The following VAPB variants were observed in gnomAD, a reference collection of about 807,000 sequenced individuals.
The protein encoded by VAPB is vesicle-associated membrane protein-associated protein B/C.
A neutral mutation model predicts 25.6 loss-of-function variants in VAPB; 7 were observed. The observed-to-expected ratio is 0.27, with a 90% CI of 0.16 to 0.51. The LOEUF is 0.51. Among genes scored for constraint, VAPB ranks in the 20% least tolerant of loss-of-function variants. The pLI, the probability that VAPB is intolerant of heterozygous loss-of-function variation, is 0.97. For synonymous variants in VAPB, 112 were observed against 109.2 expected (o/e 1.03, Z -0.16); for missense variants, 266 against 301.3 (o/e 0.88, Z 0.87).
intron 2 of VAPB, among the ~76,000 whole-genome samples, chr20:58,434,176 A>G (rs929906029): frequency 2.4e-4 from 37 of 152,268 alleles, no homozygotes; most frequent in African/African-American, 8.4e-4. Context: ...GAGAGAAGCT[A>G]CAACAGTTCC....
chr20:58,411,375 G>A (rs988595700), intron 1 of VAPB, among the ~76,000 whole-genome samples: 2 of 152,092 alleles, frequency 1.3e-5, no homozygotes, highest in South Asian at 2.1e-4. Context: ...TCTGCCTCCC[G>A]GGTTCAAGTG....
rs1301232754 is a variant in VAPB, at chr20:58,448,174, G to T, written c.*3939G>T. 1 of 453,808 alleles carries T rather than the reference G, an allele frequency of 2.2e-6. No homozygotes were observed. The highest frequency in any genetic ancestry group is 4.4e-6 in the Non-Finnish European group (1 of 226,754). The allele number at this position is 453,808 out of a possible 1,614,324, so 28.1% of individuals were successfully genotyped here. A position where few individuals can be genotyped will look rare whatever the true frequency, so the allele number is the denominator to read the frequency against. On this transcript the variant is annotated 3_prime_UTR_variant, in exon 6 of 6. Transcript: ENST00000475243. ...CTGGAATGGAATTGTATTTAGAAAG[G>T]CCCCTGCAAAGTATATAGATGGATG...
chr20:58,407,952 T>A (rs1226726397), intron 1 of VAPB, among the ~76,000 whole-genome samples: 2 of 152,228 alleles, frequency 1.3e-5, no homozygotes, highest in African/African-American at 4.8e-5. Flanking sequence ...CTTACTAACT[T>A]TGTATTTTTT....
chr20:58,398,970 C>T lies in VAPB; in HGVS notation c.58+9453C>T, dbSNP rs1301099212. ...TAGGAAGATGAGAGGAGGAGTGAGA[C>T]TAGAGAAAGAGGCTTGAAAGAGAAA... On this transcript the variant is annotated intron_variant, in intron 1 of 5. Coordinates refer to ENST00000475243, the MANE Select transcript of VAPB (RefSeq NM_004738.5). Among the ~76,000 whole-genome samples, 5 of 151,396 alleles carry T rather than the reference C, an allele frequency of 3.3e-5. No homozygotes were observed. The East Asian group carries it at 7.8e-4, about 24-fold the overall frequency.
In VAPB at chr20:58,450,737, C is replaced by A. The variant is rs542462722; in HGVS notation, c.*6502C>A. ...TCAATGTATGTTAACATGTTAGGAA[C>A]TGAGTATCTTAAGAGATGTCTTAGA... is the stretch of plus-strand genomic sequence containing the variant. On this transcript the variant is annotated 3_prime_UTR_variant, in exon 6 of 6. Transcript: ENST00000475243. The A allele has an allele frequency of 2.2e-6, 1 of 453,770 alleles. No individual in the cohort carries two copies. The highest frequency in any genetic ancestry group is 6.9e-5 in the East Asian group (1 of 14,398). 28.1% of individuals were successfully genotyped at this position (453,770 alleles called of 1,614,324 possible).
In VAPB at chr20:58,450,844, G is replaced by T. The variant is rs1172052280; in HGVS notation, c.*6609G>T. On this transcript the variant is annotated 3_prime_UTR_variant, in exon 6 of 6. Coordinates refer to ENST00000475243, the MANE Select transcript of VAPB (RefSeq NM_004738.5). ...GACATGGAAGTAATTTAAAAAGTTGGTGCAGGAAAGGACTCTTTACTGTTG... is the reference window on the plus strand; with the variant it reads ...GACATGGAAGTAATTTAAAAAGTTGTTGCAGGAAAGGACTCTTTACTGTTG... The T allele has an allele frequency of 2.2e-6, 1 of 454,060 alleles. No individual in the cohort carries two copies. Among genetic ancestry groups the T allele is most frequent in the East Asian group, 6.9e-5 (1 of 14,400 alleles). The allele number at this position is 454,060 out of a possible 1,614,324, so 28.1% of individuals were successfully genotyped here. A position where few individuals can be genotyped will look rare whatever the true frequency, so the allele number is the denominator to read the frequency against.
At chr20:58,415,912 A>G (rs1384156339) in intron 1 of VAPB, among the ~76,000 whole-genome samples, 1 of 152,216 alleles carries the variant, frequency 6.6e-6, no homozygotes, top group Non-Finnish European at 1.5e-5. Context: ...AATATAATTT[A>G]TTTTCAATAA....
rs34649242 is a variant in VAPB at position 58,409,904 on chromosome 20, T to TACACAC, written c.59-8281_59-8276dup. On this transcript the variant is annotated intron_variant, in intron 1 of 5. Coordinates refer to ENST00000475243, the MANE Select transcript of VAPB (RefSeq NM_004738.5). ...GCACAACAAAGAATCTTTATTCATA[T>TACACAC]ACACACACACACACACACACACACA... is the stretch of plus-strand genomic sequence containing the variant. 3.2e-3 allele frequency among the ~76,000 whole-genome samples: 467 copies of TACACAC among 148,220 alleles called. 1 individual carries two copies. The highest frequency in any genetic ancestry group is 7.8e-3 in the South Asian group (36 of 4,626).
In VAPB at chr20:58,448,299, T is replaced by A. The variant is rs1231653773; in HGVS notation, c.*4064T>A. 1 of 453,622 alleles carries A rather than the reference T, an allele frequency of 2.2e-6. No homozygotes were observed. Among genetic ancestry groups the A allele is most frequent in the Admixed American group, 2.3e-5 (1 of 42,556 alleles). The allele number at this position is 453,622 out of a possible 1,614,324, so 28.1% of individuals were successfully genotyped here. A position where few individuals can be genotyped will look rare whatever the true frequency, so the allele number is the denominator to read the frequency against. On this transcript the variant is annotated 3_prime_UTR_variant, in exon 6 of 6. Transcript: ENST00000475243. ...CATGCTGGCCCTACGCGAATTGAGT[T>A]TCTGTGGCCTAATTGGATTTGGAGA...
chr20:58,389,310 CCAGCGCG>C lies in VAPB; in HGVS notation c.-148_-142del. 5.5e-6 allele frequency: 4 copies of C among 724,412 alleles called. No individual in the cohort carries two copies. The highest frequency in any genetic ancestry group is 1.8e-5 in the African/African-American group (1 of 54,276). 44.9% of individuals were successfully genotyped at this position (724,412 alleles called of 1,614,324 possible). A position where few individuals can be genotyped will look rare whatever the true frequency, so the allele number is the denominator to read the frequency against. ...CTGCACCGCGTAGACCGACCCCCCC[CCAGCGCG>C]CCCACCCGGTAGAGGACCCCCGCCC... On this transcript the variant is annotated 5_prime_UTR_variant, in exon 1 of 6. Transcript: ENST00000475243.
intron 1 of VAPB, among the ~76,000 whole-genome samples, chr20:58,398,543 T>TC (rs1185393638): frequency 6.8e-6 from 1 of 147,750 alleles, no homozygotes; most frequent in East Asian, 1.9e-4. Flanking sequence ...GTTTCCAGCC[T>TC]CTAGGTATTG....
chr20:58,451,068 G>T lies in VAPB; in HGVS notation c.*6833G>T, dbSNP rs868633824. 8.1e-5 allele frequency: 34 copies of T among 419,520 alleles called. 1 individual carries two copies. The highest frequency in any genetic ancestry group is 7.0e-4 in the African/African-American group (34 of 48,278). 26.0% of individuals were successfully genotyped at this position (419,520 alleles called of 1,614,324 possible). ...TTTGTACTAGCTGTCTCCATATTAT[G>T]TTCAATAAATTCTGTGCTCTGAATA... is the stretch of plus-strand genomic sequence containing the variant. On this transcript the variant is annotated 3_prime_UTR_variant, in exon 6 of 6. Coordinates refer to ENST00000475243, the MANE Select transcript of VAPB (RefSeq NM_004738.5).
At chr20:58,437,414 C>T (rs551961588) in intron 3 of VAPB, among the ~76,000 whole-genome samples, 8 of 152,246 alleles carry the variant, frequency 5.3e-5, no homozygotes, top group African/African-American at 1.9e-4. Flanking sequence ...GTATTTCATA[C>T]CAGGTTGTTC....
chr20:58,437,259 C>A (rs1008364320), intron 3 of VAPB, among the ~76,000 whole-genome samples: 1 of 151,804 alleles, frequency 6.6e-6, no homozygotes, highest in South Asian at 2.1e-4. Context: ...AGCCACTGCA[C>A]CCTGCCCAAA....
rs1284311792 is a variant in VAPB at position 58,445,684 on chromosome 20, CT to C, written c.*1450del. On this transcript the variant is annotated 3_prime_UTR_variant, in exon 6 of 6. Transcript: ENST00000475243. ...GAAATACGTGTTTCATGATTTAACT[CT>C]GTGTGTGTGTGTGTGTGTGTGTGTG... is the stretch of plus-strand genomic sequence containing the variant. The C allele has an allele frequency of 2.6e-6, 1 of 390,788 alleles. No homozygotes were observed. Among genetic ancestry groups the C allele is most frequent in the African/African-American group, 2.1e-5 (1 of 47,010 alleles). 24.2% of individuals were successfully genotyped at this position (390,788 alleles called of 1,614,324 possible).
At chr20:58,418,467 A>C (rs1988598552) in intron 2 of VAPB, 104 bp downstream of exon 2, 1 of 1,423,682 alleles carries the variant, frequency 7.0e-7, no homozygotes. Flanking sequence ...AGATGATAGA[A>C]TTCTCTCCAC....
At chr20:58,402,832 C>G (rs1230746197) in intron 1 of VAPB, among the ~76,000 whole-genome samples, 1 of 152,132 alleles carries the variant, frequency 6.6e-6, no homozygotes, top group South Asian at 2.1e-4. Context: ...TGGCGAAACC[C>G]CATCTCTACT....
Position 58,441,413 on chromosome 20 carries a change from G to A in VAPB, c.573+330G>A, listed in dbSNP as rs140740272. On this transcript the variant is annotated intron_variant, in intron 5 of 5. Coordinates refer to ENST00000475243, the MANE Select transcript of VAPB (RefSeq NM_004738.5). ...TCCCAGCACTTTGGGAGGCCAAGGCGGGCCGATCACAAGGTCAAGCGTTCA... is the reference window on the plus strand; with the variant it reads ...TCCCAGCACTTTGGGAGGCCAAGGCAGGCCGATCACAAGGTCAAGCGTTCA... Among the ~76,000 whole-genome samples, 398 of 152,072 alleles carry A rather than the reference G, an allele frequency of 2.6e-3. 2 individuals are homozygous for A. Among genetic ancestry groups the A allele is most frequent in the African/African-American group, 9.3e-3 (385 of 41,504 alleles).
chr20:58,400,067 C>G (rs1988060606), intron 1 of VAPB, among the ~76,000 whole-genome samples: 1 of 152,204 alleles, frequency 6.6e-6, no homozygotes, highest in African/African-American at 2.4e-5. Flanking sequence ...GAGGCCTTTG[C>G]AGAAGGCCTT....
Sources: allele counts gnomAD v4.1 joint callset (sites outside exome capture counted in the v4.1 genomes callset), GRCh38; gene constraint gnomAD v4.1.1; transcripts MANE v1.5; gene names NCBI Gene and HGNC (gene_info 2026-07-23, HGNC 2026-07-21).